FAM178B: variants seen among roughly 807,000 people sequenced by gnomAD.
FAM178B encodes protein FAM178B.
A neutral mutation model predicts 91.7 loss-of-function variants in FAM178B; 82 were observed. The observed-to-expected ratio is 0.89, with a 90% CI of 0.75 to 1.07. The LOEUF is 1.07. FAM178B is among the 50% of genes least tolerant of loss of function. FAM178B has a pLI of 0.00. For synonymous variants in FAM178B, 368 were observed against 359.4 expected, an observed-to-expected ratio of 1.02 and a Z score of -0.27; for missense variants, 769 against 846.7, an observed-to-expected ratio of 0.91 and a Z score of 1.14.
At chr2:96,937,912 C>T (rs2081660203) in intron 8 of FAM178B, among the ~76,000 whole-genome samples, 1 of 152,118 alleles carries the variant, frequency 6.6e-6, no homozygotes. Context: ...CCTGTAGTCC[C>T]AGCCACTCAG....
At chr2:96,940,168 C>T (rs183471008) in intron 8 of FAM178B, among the ~76,000 whole-genome samples, 128 of 152,260 alleles carry the variant, frequency 8.4e-4, no homozygotes, top group African/African-American at 2.9e-3. Flanking sequence ...GATCCCAGCC[C>T]GCCTCTCTGG....
Position 96,921,172 on chromosome 2 carries a change from G to A in FAM178B, c.1555C>T (p.Arg519Trp), listed in dbSNP as rs1356300432. The part of the protein sequence containing the change: ...LVQFFPDMTS[R>W]SRRLRSQLSL... ...CGGGGGAGCAGCACGCACCTGCTCC[G>A]GGAGGTCATGTCTGGGAAGAACTGC... The change falls in exon 12 of 17, where the codon CGG becomes TGG. Residue 519 changes from arginine (R) to tryptophan (W), a missense_variant. By Grantham distance (101) the Arg-to-Trp change is moderately radical. Transcript: ENST00000490605. 9.7e-6 allele frequency: 15 copies of A among 1,551,284 alleles called. No homozygotes were observed. Among genetic ancestry groups the A allele is most frequent in the African/African-American group, 2.7e-5 (2 of 73,008 alleles).
intron 7 of FAM178B, among the ~76,000 whole-genome samples, chr2:96,949,657 G>A (rs2081891472): frequency 6.6e-6 from 1 of 152,202 alleles, no homozygotes; most frequent in Admixed American, 6.5e-5. Flanking sequence ...TAAGTCCCCT[G>A]AGGACACTGC....
chr2:96,925,916 A>G (rs1253702595), intron 9 of FAM178B, among the ~76,000 whole-genome samples: 3 of 152,194 alleles, frequency 2.0e-5, no homozygotes, highest in African/African-American at 7.2e-5. Flanking sequence ...TGCCTCTTTA[A>G]TCAATTGCCC....
chr2:96,963,967 G>C (rs1730123), intron 5 of FAM178B, among the ~76,000 whole-genome samples: 119,542 of 152,216 alleles, frequency 0.79, 48,452 homozygotes, highest in Non-Finnish European at 0.88. Context: ...AGCCCTGGTG[G>C]CCAGGTGTTC....
At chr2:96,953,866 CACAG>C (rs1395167659) in intron 6 of FAM178B, among the ~76,000 whole-genome samples, 2 of 152,154 alleles carry the variant, frequency 1.3e-5, no homozygotes, top group Non-Finnish European at 2.9e-5. Flanking sequence ...GGGCCTTGTG[CACAG>C]ACAATGCCTT....
At chr2:96,915,046 G>A (rs1171631733) in intron 12 of FAM178B, among the ~76,000 whole-genome samples, 11 of 152,122 alleles carry the variant, frequency 7.2e-5, no homozygotes, top group African/African-American at 2.7e-4. Flanking sequence ...ATGGAAAATG[G>A]GTACATGGAG....
intron 14 of FAM178B, among the ~76,000 whole-genome samples, chr2:96,879,057 C>G (rs2080315739): frequency 6.6e-6 from 1 of 152,224 alleles, no homozygotes; most frequent in Non-Finnish European, 1.5e-5. Flanking sequence ...CTCCATCTGG[C>G]CCGAGAACAA....
At chr2:96,970,285 G>A (rs1286573153) in intron 4 of FAM178B, among the ~76,000 whole-genome samples, 1 of 152,182 alleles carries the variant, frequency 6.6e-6, no homozygotes, top group African/African-American at 2.4e-5. Context: ...AATGGGCAAC[G>A]CGTGCCTGCA....
intron 14 of FAM178B, among the ~76,000 whole-genome samples, chr2:96,879,692 G>A (rs1236137058): frequency 2.0e-5 from 3 of 152,266 alleles, no homozygotes; most frequent in Admixed American, 1.3e-4. Flanking sequence ...GACTCCACAG[G>A]CTGACCAGGT....
chr2:96,935,342 G>T (rs2081606834), intron 8 of FAM178B, among the ~76,000 whole-genome samples: 1 of 152,184 alleles, frequency 6.6e-6, no homozygotes, highest in Non-Finnish European at 1.5e-5. Context: ...TTCTTAGCAT[G>T]TGCCTCTCAT....
intron 12 of FAM178B, among the ~76,000 whole-genome samples, chr2:96,920,922 C>A (rs948941878): frequency 6.6e-6 from 1 of 152,084 alleles, no homozygotes; most frequent in Non-Finnish European, 1.5e-5. Flanking sequence ...AGAGTGGGGG[C>A]CCTGCAGGCA....
At chr2:96,965,894 C>T (rs986652095) in intron 5 of FAM178B, among the ~76,000 whole-genome samples, 1 of 152,098 alleles carries the variant, frequency 6.6e-6, no homozygotes, top group South Asian at 2.1e-4. Flanking sequence ...GTCACTTCTA[C>T]CCTGAAAATA....
rs78348470 is a variant in FAM178B at position 96,986,504 on chromosome 2, T to C, written c.-191A>G. On this transcript the variant is annotated 5_prime_UTR_variant, in exon 1 of 17. Coordinates refer to ENST00000490605, the MANE Select transcript of FAM178B (RefSeq NM_001122646.3). Reference sequence around the variant, plus strand: ...GAACCTAAAGATCCAGTTCTGGGGATTGAGTTCCGACTCCAAACCAAGCGG... The same window carrying C: ...GAACCTAAAGATCCAGTTCTGGGGACTGAGTTCCGACTCCAAACCAAGCGG... 2.5e-4 allele frequency: 169 copies of C among 682,758 alleles called. 3 individuals are homozygous for C. In the East Asian group the frequency reaches 3.7e-3, roughly 15 times the overall value. The allele number at this position is 682,758 out of a possible 1,614,324, so 42.3% of individuals were successfully genotyped here. A position where few individuals can be genotyped will look rare whatever the true frequency, so the allele number is the denominator to read the frequency against.
chr2:96,894,392 A>G (rs2080760581), intron 13 of FAM178B, among the ~76,000 whole-genome samples: 2 of 77,648 alleles, frequency 2.6e-5, no homozygotes, highest in South Asian at 1.1e-3. Flanking sequence ...ACACCCACAC[A>G]TACCCAGGCC....
At chr2:96,914,160 A>C (rs1213729375) in intron 12 of FAM178B, among the ~76,000 whole-genome samples, 2 of 152,134 alleles carry the variant, frequency 1.3e-5, no homozygotes, top group South Asian at 2.1e-4. Context: ...ACTCATGGGG[A>C]GGGCTGGTCA....
intron 1 of FAM178B, among the ~76,000 whole-genome samples, chr2:96,983,483 T>C (rs2082387616): frequency 6.6e-6 from 1 of 152,146 alleles, no homozygotes; most frequent in Non-Finnish European, 1.5e-5. Flanking sequence ...CAGACTCGGA[T>C]GGTGTGATAA....
chr2:96,905,715 T>C (rs2081017865), intron 12 of FAM178B, among the ~76,000 whole-genome samples: 1 of 148,266 alleles, frequency 6.7e-6, no homozygotes, highest in South Asian at 2.1e-4. Context: ...GGTGGGCGGA[T>C]CACCTGAGGT....
chr2:96,877,371 C>T (rs551457442), intron 16 of FAM178B, among the ~76,000 whole-genome samples: 1 of 152,178 alleles, frequency 6.6e-6, no homozygotes, highest in East Asian at 1.9e-4. Flanking sequence ...TCTCTGTGTC[C>T]CCTTCCCTCC....
Sources: gnomAD v4.1 joint callset for allele counts (sites outside exome capture counted in the v4.1 genomes callset) on GRCh38, gnomAD v4.1.1 for gene constraint, MANE v1.5 for transcripts, NCBI Gene and HGNC (gene_info 2026-07-23, HGNC 2026-07-21) for gene names.